Variants in DERL1 observed in about 807,000 individuals in gnomAD.
DERL1 encodes the protein derlin-1.
DERL1 carries 24 observed loss-of-function variants against 41.6 expected under a neutral mutation model. The observed-to-expected ratio is 0.58, with a 90% CI of 0.42 to 0.81. The LOEUF is 0.81. Ranked by LOEUF, DERL1 falls within the 30% of genes least tolerant of loss-of-function variation. DERL1 has a pLI of 0.00. For synonymous variants in DERL1, 124 were observed against 112.5 expected, an observed-to-expected ratio of 1.10 and a Z score of -0.65; for missense variants, 260 against 314.3, an observed-to-expected ratio of 0.83 and a Z score of 1.31.
chr8:123,022,644 G>A (rs768541523), intron 5 of DERL1, 40 bp downstream of exon 5: 9 of 1,583,600 alleles, frequency 5.7e-6, no homozygotes, highest in East Asian at 2.2e-5. Flanking sequence ...GATTTCTGCA[G>A]ACAAATGAAA....
At position 123,015,192 on chromosome 8, in the gene DERL1, C is replaced by A. The variant is rs1008915344; in HGVS notation, c.*255G>T. 16 of 398,722 alleles carry A rather than the reference C, an allele frequency of 4.0e-5. No homozygotes were observed. The highest frequency in any genetic ancestry group is 6.6e-5 in the Non-Finnish European group (15 of 228,874). 24.7% of individuals were successfully genotyped at this position (398,722 alleles called of 1,614,324 possible). On this transcript the variant is annotated 3_prime_UTR_variant, in exon 8 of 8. Coordinates refer to ENST00000259512, the MANE Select transcript of DERL1 (RefSeq NM_024295.6). ...GACGGAAAGGGGAGAAGAGAAGACA[C>A]CAAAAAATGTAGTCAGTTTTGCAAT...
At chr8:123,022,841 T>A in intron 4 of DERL1, 62 bp from the exon 5 acceptor site, 1 of 1,392,344 alleles carries the variant, frequency 7.2e-7, no homozygotes, top group Non-Finnish European at 1.0e-6. Flanking sequence ...GGTGTACATC[T>A]ACTATGCTTT....
chr8:123,029,774 G>A (rs778409673), intron 2 of DERL1, among the ~76,000 whole-genome samples: 29 of 152,194 alleles, frequency 1.9e-4, no homozygotes, highest in Admixed American at 5.2e-4. Context: ...ATATTACATA[G>A]GTTGGCTGGG....
chr8:123,019,356 C>T (rs1814694690), intron 6 of DERL1, 51 bp from the exon 7 acceptor site: 1 of 1,329,844 alleles, frequency 7.5e-7, no homozygotes, highest in Non-Finnish European at 1.1e-6. Flanking sequence ...TAGAGATGCA[C>T]CAAGTTTTAA....
chr8:123,037,455 C>G (rs1285878150), intron 1 of DERL1, among the ~76,000 whole-genome samples: 3 of 152,102 alleles, frequency 2.0e-5, no homozygotes, highest in African/African-American at 7.2e-5. Flanking sequence ...ATGATATTAT[C>G]CTCAGATCCT....
intron 1 of DERL1, among the ~76,000 whole-genome samples, chr8:123,031,206 A>G (rs879901389): frequency 1.3e-5 from 2 of 151,800 alleles, no homozygotes; most frequent in Non-Finnish European, 2.9e-5. Context: ...CTTTTTCTTT[A>G]AAAACATTTC....
Position 123,041,961 on chromosome 8 carries a change from G to C in DERL1, c.153+9C>G, listed in dbSNP as rs747306797. On this transcript the variant is annotated intron_variant, in intron 1 of 7. Coordinates refer to ENST00000259512, the MANE Select transcript of DERL1 (RefSeq NM_024295.6). ...TGTAGTCTCCACGCCCCCCGTCTCCGGTAAGTACCTGAAAGCGATAAAGGA... is the reference window on the plus strand; with the variant it reads ...TGTAGTCTCCACGCCCCCCGTCTCCCGTAAGTACCTGAAAGCGATAAAGGA... The C allele has an allele frequency of 6.9e-6, 11 of 1,601,608 alleles. No individual in the cohort carries two copies. The South Asian group carries it at 1.2e-4, about 18-fold the overall frequency.
chr8:123,015,254 A>C lies in DERL1; in HGVS notation c.*193T>G, dbSNP rs1814527512. ...GTATTTGTTCTTCACAGCAGTAAGGACTTGAATGAGAATCGTGAAACTTGT... is the reference window on the plus strand; with the variant it reads ...GTATTTGTTCTTCACAGCAGTAAGGCCTTGAATGAGAATCGTGAAACTTGT... On this transcript the variant is annotated 3_prime_UTR_variant, in exon 8 of 8. Transcript: ENST00000259512. 2 of 748,646 alleles carry C rather than the reference A, an allele frequency of 2.7e-6. No individual in the cohort carries two copies. 46.4% of individuals were successfully genotyped at this position (748,646 alleles called of 1,614,324 possible).
intron 7 of DERL1, 86 bp from the exon 8 acceptor site, chr8:123,015,671 T>C: frequency 6.1e-6 from 9 of 1,467,642 alleles, no homozygotes; most frequent in Non-Finnish European, 8.1e-6. Context: ...AACACCTCCC[T>C]CTCCTGCTGT....
At position 123,015,439 on chromosome 8, in the gene DERL1, C is replaced by T; in HGVS notation, c.*8G>A. On this transcript the variant is annotated 3_prime_UTR_variant, in exon 8 of 8. Transcript: ENST00000259512. ...GCTTGAGAGGAGCGGCTGCCCGAGG[C>T]CGCCCCTTCACTGGTCTCCAAGTCG... 1 of 1,610,758 alleles carries T rather than the reference C, an allele frequency of 6.2e-7. No individual in the cohort carries two copies. The highest frequency in any genetic ancestry group is 8.5e-7 in the Non-Finnish European group (1 of 1,178,522).
At chr8:123,039,429 T>C (rs1287773420) in intron 1 of DERL1, among the ~76,000 whole-genome samples, 1 of 152,240 alleles carries the variant, frequency 6.6e-6, no homozygotes, top group Non-Finnish European at 1.5e-5. Flanking sequence ...CACCCAGCCC[T>C]GGCTATCTCC....
intron 5 of DERL1, 42 bp from the exon 6 acceptor site, chr8:123,021,541 T>G (rs1814768599): frequency 6.4e-7 from 1 of 1,557,180 alleles, no homozygotes; most frequent in South Asian, 1.1e-5. Flanking sequence ...TAGCCACACC[T>G]GACGAGGACA....
chr8:123,019,709 A>G (rs534148958), intron 6 of DERL1, among the ~76,000 whole-genome samples: 1 of 152,232 alleles, frequency 6.6e-6, no homozygotes, highest in Non-Finnish European at 1.5e-5. Flanking sequence ...CGTGGGAGTA[A>G]GGAAAAGAGG....
At chr8:123,025,932 G>A (rs918186532) in intron 2 of DERL1, among the ~76,000 whole-genome samples, 17 of 151,574 alleles carry the variant, frequency 1.1e-4, no homozygotes, top group South Asian at 2.1e-4. Context: ...ACGGCCTCCC[G>A]TGTAAGCATA....
At chr8:123,034,114 G>C (rs1453612110) in intron 1 of DERL1, among the ~76,000 whole-genome samples, 1 of 152,196 alleles carries the variant, frequency 6.6e-6, no homozygotes, top group Non-Finnish European at 1.5e-5. Context: ...TAACTGAATG[G>C]GTACTGCTAA....
chr8:123,034,183 T>C (rs1479218836), intron 1 of DERL1, among the ~76,000 whole-genome samples: 1 of 152,236 alleles, frequency 6.6e-6, no homozygotes, highest in Non-Finnish European at 1.5e-5. Flanking sequence ...ACATACAGAC[T>C]GGCCAGTTCC....
At chr8:123,029,031 A>G (rs960808896) in intron 2 of DERL1, among the ~76,000 whole-genome samples, 4 of 151,916 alleles carry the variant, frequency 2.6e-5, no homozygotes, top group Admixed American at 2.6e-4. Context: ...CTGTGCCACT[A>G]TACTCCAGTC....
At chr8:123,024,317 G>A (rs1350831829) in intron 3 of DERL1, among the ~76,000 whole-genome samples, 2 of 152,164 alleles carry the variant, frequency 1.3e-5, no homozygotes, top group South Asian at 2.1e-4. Context: ...CCTCAAAGGA[G>A]GGGGGAAAGG....
chr8:123,030,805 C>A, intron 1 of DERL1, 89 bp from the exon 2 acceptor site: 1 of 881,024 alleles, frequency 1.1e-6, no homozygotes, highest in East Asian at 2.5e-5. Context: ...ACAAAGCATC[C>A]TCCTCAATGA....
Sources: gnomAD v4.1 joint callset for allele counts (sites outside exome capture counted in the v4.1 genomes callset) on GRCh38, gnomAD v4.1.1 for gene constraint, MANE v1.5 for transcripts, NCBI Gene and HGNC (gene_info 2026-07-23, HGNC 2026-07-21) for gene names.